BCAS1: variants seen among roughly 807,000 people sequenced by gnomAD.
BCAS1 encodes the protein breast carcinoma-amplified sequence 1.
A neutral mutation model predicts 65.4 loss-of-function variants in BCAS1; 46 were observed. That is an observed-to-expected ratio of 0.70 (90% CI 0.55 to 0.90). The LOEUF is 0.90. Among genes scored for constraint, BCAS1 ranks in the 40% least tolerant of loss-of-function variants. BCAS1 has a pLI of 0.00. For synonymous variants in BCAS1, 298 were observed against 293.5 expected, an observed-to-expected ratio of 1.02 and a Z score of -0.16; for missense variants, 793 against 771.2, an observed-to-expected ratio of 1.03 and a Z score of -0.33.
At chr20:53,945,082 G>T in intron 12 of BCAS1, 86 bp from the exon 13 acceptor site, 1 of 1,154,346 alleles carries the variant, frequency 8.7e-7, no homozygotes, top group Non-Finnish European at 1.3e-6. Context: ...CACTTACTCT[G>T]TGCTAGGTGT....
At chr20:53,971,949 A>G (rs2090190725) in intron 9 of BCAS1, among the ~76,000 whole-genome samples, 1 of 152,264 alleles carries the variant, frequency 6.6e-6, no homozygotes, top group South Asian at 2.1e-4. Context: ...TATTTCTGAT[A>G]GGACCAGAAG....
intron 3 of BCAS1, among the ~76,000 whole-genome samples, chr20:54,032,753 T>C (rs2146135253): frequency 6.6e-6 from 1 of 151,360 alleles, no homozygotes; most frequent in South Asian, 2.1e-4. Context: ...GATAAAGTGT[T>C]AAATTAAACA....
chr20:54,065,736 G>T (rs942188828), intron 1 of BCAS1, among the ~76,000 whole-genome samples: 1 of 152,154 alleles, frequency 6.6e-6, no homozygotes, highest in Non-Finnish European at 1.5e-5. Flanking sequence ...CCTCTGCCTG[G>T]GCTCCCCTCT....
intron 1 of BCAS1, among the ~76,000 whole-genome samples, chr20:54,062,087 A>G (rs1405852500): frequency 1.3e-5 from 2 of 152,234 alleles, no homozygotes; most frequent in South Asian, 2.1e-4. Flanking sequence ...TATATTGTCT[A>G]TGATGGCTTT....
At chr20:53,969,584 T>G (rs1175343983) in intron 9 of BCAS1, among the ~76,000 whole-genome samples, 3 of 152,196 alleles carry the variant, frequency 2.0e-5, no homozygotes, top group Non-Finnish European at 4.4e-5. Flanking sequence ...CAACTCAATG[T>G]ATCTAATAGT....
chr20:54,035,317 T>C (rs934138448), intron 3 of BCAS1, among the ~76,000 whole-genome samples: 2 of 144,644 alleles, frequency 1.4e-5, no homozygotes, highest in African/African-American at 2.5e-5. Flanking sequence ...AGGAGAATGG[T>C]GTGAACCCGG....
intron 6 of BCAS1, 27 bp downstream of exon 6, chr20:53,994,981 AATAT>A (rs776038525): frequency 6.2e-7 from 1 of 1,603,282 alleles, no homozygotes; most frequent in South Asian, 1.1e-5. Flanking sequence ...CGCAAACCCA[AATAT>A]ATACATACAC....
chr20:53,981,186 T>C (rs1708705610), intron 8 of BCAS1, among the ~76,000 whole-genome samples: 1 of 152,236 alleles, frequency 6.6e-6, no homozygotes. Flanking sequence ...ATTTTGATCA[T>C]GTGACAGCTC....
At chr20:53,960,640 C>T (rs992574680) in intron 10 of BCAS1, among the ~76,000 whole-genome samples, 2 of 152,050 alleles carry the variant, frequency 1.3e-5, no homozygotes, top group African/African-American at 2.4e-5. Context: ...ACTTCTGTAG[C>T]AGCAGTTATT....
intron 4 of BCAS1, among the ~76,000 whole-genome samples, chr20:54,020,115 T>C (rs1276199753): frequency 6.6e-6 from 1 of 152,230 alleles, no homozygotes; most frequent in African/African-American, 2.4e-5. Context: ...AAGTGTTTCA[T>C]CTCTTTGAAC....
At chr20:53,958,217 C>T (rs1025195075) in intron 10 of BCAS1, among the ~76,000 whole-genome samples, 14 of 152,158 alleles carry the variant, frequency 9.2e-5, no homozygotes, top group South Asian at 2.1e-4. Flanking sequence ...TGAGTACCAC[C>T]GCTCTCAGCA....
At chr20:53,951,385 C>T (rs1264391678) in intron 12 of BCAS1, among the ~76,000 whole-genome samples, 4 of 152,208 alleles carry the variant, frequency 2.6e-5, no homozygotes, top group African/African-American at 9.7e-5. Context: ...GCAAGAGAAT[C>T]GCTTGAACCC....
At chr20:54,025,379 C>T (rs2146072656) in intron 4 of BCAS1, among the ~76,000 whole-genome samples, 1 of 152,314 alleles carries the variant, frequency 6.6e-6, no homozygotes, top group South Asian at 2.1e-4. Flanking sequence ...GTATGAATCA[C>T]AGCTCAGTGA....
At chr20:54,070,338 A>G (rs1164119563) in intron 1 of BCAS1, 95 bp downstream of exon 1, 1 of 152,292 alleles carries the variant, frequency 6.6e-6, no homozygotes, top group Non-Finnish European at 1.5e-5. Context: ...GCTGGGATCA[A>G]ACTTGACCCT....
chr20:53,971,378 T>C (rs765682180), intron 9 of BCAS1, among the ~76,000 whole-genome samples: 2 of 152,236 alleles, frequency 1.3e-5, no homozygotes, highest in Non-Finnish European at 2.9e-5. Flanking sequence ...AGCCAACTGA[T>C]AGCTGGCTTG....
chr20:53,984,473 A>G (rs1453578085), intron 8 of BCAS1, among the ~76,000 whole-genome samples: 1 of 152,208 alleles, frequency 6.6e-6, no homozygotes, highest in Non-Finnish European at 1.5e-5. Context: ...CTGACACCAC[A>G]GTGGCATCTG....
At chr20:54,035,345 G>C (rs1213025376) in intron 3 of BCAS1, among the ~76,000 whole-genome samples, 2 of 143,798 alleles carry the variant, frequency 1.4e-5, no homozygotes, top group African/African-American at 2.6e-5. Context: ...AGCTTGCACT[G>C]AGCCGAGACC....
intron 4 of BCAS1, among the ~76,000 whole-genome samples, chr20:54,009,273 A>C (rs765562258): frequency 1.3e-5 from 2 of 152,362 alleles, no homozygotes; most frequent in Middle Eastern, 3.4e-3. Context: ...TAATGAAAAC[A>C]AAAAGCCCAG....
chr20:53,995,993 C>G lies in BCAS1; in HGVS notation c.781G>C (p.Val261Leu), dbSNP rs774175830. The change falls in exon 5 of 13, where the codon GTC becomes CTC. Residue 261 changes from valine (V) to leucine (L), a missense_variant. Physicochemically the swap from Val to Leu is conservative, Grantham distance 32. Coordinates refer to ENST00000688948, the MANE Select transcript of BCAS1 (RefSeq NM_001366298.2). Reference protein sequence around the residue: ...GQELGTADCSVPGDPEGLETA... With the variant: ...GQELGTADCSLPGDPEGLETA... ...TCCAGTCCTTCTGGGTCCCCAGGGA[C>G]AGAGCAATCCGCAGTTCCAAGTTCT... The G allele has an allele frequency of 6.2e-7, 1 of 1,613,104 alleles. No individual in the cohort carries two copies. Among genetic ancestry groups the G allele is most frequent in the Non-Finnish European group, 8.5e-7 (1 of 1,179,320 alleles).
Sources: allele counts gnomAD v4.1 joint callset (sites outside exome capture counted in the v4.1 genomes callset), GRCh38; gene constraint gnomAD v4.1.1; transcripts MANE v1.5; gene names NCBI Gene and HGNC (gene_info 2026-07-23, HGNC 2026-07-21).